Variants in GPHN observed in about 807,000 individuals in gnomAD.
GPHN encodes the protein gephyrin.
A neutral mutation model predicts 95.5 loss-of-function variants in GPHN; 17 were observed. The ratio of observed to expected loss-of-function variants is 0.18; its 90% CI spans 0.12 to 0.27. GPHN has a LOEUF of 0.27. GPHN is among the 10% of genes least tolerant of loss of function. The pLI is 1.00. For synonymous variants in GPHN, 320 were observed against 322.5 expected (o/e 0.99, Z 0.08); for missense variants, 660 against 978.1 (o/e 0.67, Z 4.34).
At chr14:66,813,105 G>A (rs1220157358) in intron 3 of GPHN, among the ~76,000 whole-genome samples, 4 of 152,044 alleles carry the variant, frequency 2.6e-5, no homozygotes, top group African/African-American at 9.7e-5. Flanking sequence ...TATAATATTA[G>A]GGAAAAGTAC....
chr14:67,644,997 TAAAAA>T, the GPHN span, among the ~76,000 whole-genome samples: 1 of 132,434 alleles, frequency 7.6e-6, no homozygotes, highest in African/African-American at 2.8e-5. Context: ...GACTCCGTCT[TAAAAA>T]AAAAAAAAAA....
At chr14:66,610,886 A>G (rs563801134) in intron 1 of GPHN, among the ~76,000 whole-genome samples, 1 of 152,262 alleles carries the variant, frequency 6.6e-6, no homozygotes, top group East Asian at 1.9e-4. Flanking sequence ...TTCTGAAGAC[A>G]GGCCAAGATA....
At chr14:67,010,150 C>T (rs2072890107) in intron 9 of GPHN, among the ~76,000 whole-genome samples, 1 of 152,080 alleles carries the variant, frequency 6.6e-6, no homozygotes, top group Admixed American at 6.6e-5. Context: ...TACCCTTCAG[C>T]TCCTCCCATG....
At chr14:66,900,393 A>G (rs1216069642) in intron 5 of GPHN, among the ~76,000 whole-genome samples, 1 of 150,964 alleles carries the variant, frequency 6.6e-6, no homozygotes, top group African/African-American at 2.4e-5. Flanking sequence ...TGAATTTGAT[A>G]TGTTATATTT....
the GPHN span, among the ~76,000 whole-genome samples, chr14:67,341,196 T>C: frequency 6.6e-6 from 1 of 151,958 alleles, no homozygotes; most frequent in Non-Finnish European, 1.5e-5. Context: ...GAGGAGCGTC[T>C]GTGACTGGCC....
intron 12 of GPHN, among the ~76,000 whole-genome samples, chr14:67,095,041 C>G (rs1338385054): frequency 6.6e-6 from 1 of 152,130 alleles, no homozygotes; most frequent in Non-Finnish European, 1.5e-5. Context: ...ACAAAATTGC[C>G]TAACAATGCA....
At chr14:67,184,439 G>C (rs959520924), downstream of GPHN, among the ~76,000 whole-genome samples, 2 of 152,142 alleles carry the variant, frequency 1.3e-5, no homozygotes, top group Non-Finnish European at 2.9e-5. Context: ...GTGCAGGTGA[G>C]GGGGTAGAGG....
At chr14:66,610,265 G>C (rs1362184172) in intron 1 of GPHN, among the ~76,000 whole-genome samples, 15 of 152,104 alleles carry the variant, frequency 9.9e-5, no homozygotes, top group Admixed American at 9.2e-4. Context: ...ATGGCCGATA[G>C]ATAGGCTTTG....
intron 9 of GPHN, chr14:66,969,811 AAAAAAAAAG>A (rs530457612): frequency 1.3e-5 from 2 of 151,782 alleles, no homozygotes; most frequent in Non-Finnish European, 2.9e-5. Context: ...CAGGAAAAAA[AAAAAAAAAG>A]AAAGAAAGGA....
intron 11 of GPHN, among the ~76,000 whole-genome samples, chr14:67,087,644 T>C (rs549339477): frequency 6.6e-6 from 1 of 152,200 alleles, no homozygotes. Flanking sequence ...GAATAGAAAT[T>C]TGAACATCAG....
intron 8 of GPHN, among the ~76,000 whole-genome samples, chr14:66,944,669 G>A (rs1423482357): frequency 6.6e-6 from 1 of 152,244 alleles, no homozygotes; most frequent in Non-Finnish European, 1.5e-5. Flanking sequence ...TAAATGCAGG[G>A]CTGTATTAAC....
the GPHN span, among the ~76,000 whole-genome samples, chr14:67,331,826 A>G: frequency 2.0e-5 from 3 of 152,186 alleles, no homozygotes; most frequent in Non-Finnish European, 2.9e-5. Context: ...TACGGTAGAC[A>G]TAAGTTTTAG....
At chr14:67,349,110 G>A in the GPHN span, 1 of 1,612,928 alleles carries the variant, frequency 6.2e-7, no homozygotes, top group African/African-American at 1.3e-5. Context: ...TAGTGCTGCA[G>A]AAAAAGAGAA....
chr14:66,558,654 T>C (rs1223640114), intron 1 of GPHN, among the ~76,000 whole-genome samples: 1 of 152,176 alleles, frequency 6.6e-6, no homozygotes, highest in Admixed American at 6.5e-5. Context: ...TCATTTAATA[T>C]AGAGTTCATT....
intron 16 of GPHN, among the ~76,000 whole-genome samples, chr14:67,121,517 C>A (rs1390925181): frequency 6.6e-6 from 1 of 152,080 alleles, no homozygotes; most frequent in Non-Finnish European, 1.5e-5. Flanking sequence ...AAAATTACGA[C>A]AAAGAATTTT....
At chr14:67,200,170 C>T in the GPHN span, 37 of 1,160,540 alleles carry the variant, frequency 3.2e-5, no homozygotes, top group African/African-American at 3.8e-4. Context: ...TATGCCTCCA[C>T]ATGGTATGCG....
At position 67,168,840 on chromosome 14, in the gene GPHN, G is replaced by A. The variant is rs1444137049; in HGVS notation, c.1976-93G>A. The A allele has an allele frequency of 7.6e-5, 66 of 872,946 alleles. 1 individual carries two copies. The highest frequency in any genetic ancestry group is 8.1e-5 in the South Asian group (6 of 74,494). 54.1% of individuals were successfully genotyped at this position (872,946 alleles called of 1,614,324 possible). ...GGAAAAATAGTGCCTAGTCACTTCC[G>A]TCACATTCTGATACCCAAAGATATA... On this transcript the variant is annotated intron_variant, in intron 20 of 22. Transcript: ENST00000478722.
the GPHN span, among the ~76,000 whole-genome samples, chr14:67,630,227 AT>A: frequency 6.6e-6 from 1 of 152,228 alleles, no homozygotes; most frequent in Non-Finnish European, 1.5e-5. Context: ...GGTATCATAG[AT>A]AACAGTGCCC....
intron 9 of GPHN, among the ~76,000 whole-genome samples, chr14:66,978,639 C>T (rs1162284274): frequency 3.9e-5 from 6 of 152,150 alleles, no homozygotes; most frequent in Non-Finnish European, 8.8e-5. Context: ...TTCTCCTCCA[C>T]CGAAGTCTTC....
Sources: allele counts gnomAD v4.1 joint callset (sites outside exome capture counted in the v4.1 genomes callset), GRCh38; gene constraint gnomAD v4.1.1; transcripts MANE v1.5; gene names NCBI Gene and HGNC (gene_info 2026-07-23, HGNC 2026-07-21).